Variants in DAAM1 observed in about 807,000 individuals in gnomAD.
DAAM1 encodes the protein dishevelled associated activator of morphogenesis 1, also known as disheveled-associated activator of morphogenesis 1.
DAAM1 carries 52 observed loss-of-function variants against 130.0 expected under a neutral mutation model. The observed-to-expected ratio is 0.40, with a 90% CI of 0.32 to 0.50. The LOEUF (loss-of-function observed/expected upper bound fraction) is 0.50. Ranked by LOEUF, DAAM1 falls within the 20% of genes least tolerant of loss-of-function variation. The probability of loss-of-function intolerance (pLI) is 0.61; values close to 1 mark genes in which losing one functional copy is unlikely to be tolerated. For missense variants in DAAM1, 1,134 were observed against 1,303.8 expected (o/e 0.87, Z 2.01); for synonymous variants, 452 against 444.5 (o/e 1.02, Z -0.21).
intron 3 of DAAM1, among the ~76,000 whole-genome samples, chr14:59,296,486 A>G (rs1422893646): frequency 6.6e-6 from 1 of 152,186 alleles, no homozygotes; most frequent in Admixed American, 6.5e-5. Context: ...AAAATAAGCC[A>G]AATTTCTTGG....
chr14:59,367,659 T>G, intron 24 of DAAM1, 60 bp downstream of exon 24: 1 of 1,558,002 alleles, frequency 6.4e-7, no homozygotes, highest in Admixed American at 1.8e-5. Context: ...TGCAGCCCAG[T>G]CAAAGGTATT....
chr14:59,280,861 T>A (rs1183921355), intron 2 of DAAM1, among the ~76,000 whole-genome samples: 1 of 152,142 alleles, frequency 6.6e-6, no homozygotes, highest in Non-Finnish European at 1.5e-5. Flanking sequence ...CAACTTGTGA[T>A]CAGAGGTAAT....
chr14:59,304,536 C>T (rs191709087), intron 3 of DAAM1, among the ~76,000 whole-genome samples: 7 of 152,312 alleles, frequency 4.6e-5, no homozygotes, highest in East Asian at 1.9e-4. Flanking sequence ...TATTCTTCAG[C>T]GTGGTACAGA....
intron 5 of DAAM1, 87 bp downstream of exon 5, chr14:59,320,671 G>C: frequency 1.1e-6 from 1 of 907,036 alleles, no homozygotes; most frequent in Non-Finnish European, 1.6e-6. Context: ...GAAGTCTTAA[G>C]TTAAAACCAT....
In DAAM1 at chr14:59,195,621, A is replaced by T. The variant is rs564141162; in HGVS notation, c.-38+6853A>T. On this transcript the variant is annotated intron_variant, in intron 1 of 24. Transcript: ENST00000360909. ...TTTTATGTCTAAAAAAAATACCTGC[A>T]GTGTGATTGGAAAATGTTGCCTATC... 6.6e-5 allele frequency among the ~76,000 whole-genome samples: 10 copies of T among 152,340 alleles called. No homozygotes were observed. In the East Asian group the frequency reaches 1.7e-3, roughly 26 times the overall value.
chr14:59,290,710 C>A (rs190701166), intron 2 of DAAM1, among the ~76,000 whole-genome samples: 1 of 152,318 alleles, frequency 6.6e-6, no homozygotes, highest in Admixed American at 6.5e-5. Flanking sequence ...CCCAGTGCTT[C>A]CTGTAAGCTG....
chr14:59,368,826 CAG>C lies in DAAM1; in HGVS notation c.3182_3183del (p.Arg1061ThrfsTer6), dbSNP rs2139698386. 3.1e-6 allele frequency: 5 copies of C among 1,613,252 alleles called. No homozygotes were observed. Among genetic ancestry groups the C allele is most frequent in the Non-Finnish European group, 4.2e-6 (5 of 1,179,720 alleles). ...TTACCAACCAGATGACTGACAGCAGCAGAGAGAGACCAATCACAAAACTTAAT... is the reference window on the plus strand; with the variant it reads ...TTACCAACCAGATGACTGACAGCAGCAGAGAGACCAATCACAAAACTTAAT... ...RITNQMTDSSRERPITKLNF is the reference protein window; with the variant it reads ...RITNQMTDSSXERPITKLNF On this transcript the variant is annotated frameshift_variant, in exon 25 of 25. Transcript: ENST00000360909. LOFTEE classifies it high-confidence loss of function.
intron 22 of DAAM1, 81 bp downstream of exon 22, chr14:59,360,943 G>A (rs1326612047): frequency 7.9e-7 from 1 of 1,271,718 alleles, no homozygotes; most frequent in Non-Finnish European, 1.1e-6. Flanking sequence ...GATGGGTTGT[G>A]TTGGCATGTG....
At position 59,263,343 on chromosome 14, in the gene DAAM1, C is replaced by T. The variant is rs978657935; in HGVS notation, c.-37-98C>T. 62 of 1,025,714 alleles carry T rather than the reference C, an allele frequency of 6.0e-5. No individual in the cohort carries two copies. In the African/African-American group the frequency reaches 9.0e-4, roughly 15 times the overall value. 63.5% of individuals were successfully genotyped at this position (1,025,714 alleles called of 1,614,324 possible). A position where few individuals can be genotyped will look rare whatever the true frequency, so the allele number is the denominator to read the frequency against. ...GTGCCCTGCAGGGCGCACACAGTGT[C>T]GTCAGCACACGGAGCTCTTTCTTGA... On this transcript the variant is annotated intron_variant, in intron 1 of 24. Coordinates refer to ENST00000360909, the MANE Select transcript of DAAM1 (RefSeq NM_001270520.2).
intron 23 of DAAM1, among the ~76,000 whole-genome samples, chr14:59,366,284 G>C (rs1188269755): frequency 6.6e-6 from 1 of 152,008 alleles, no homozygotes; most frequent in Non-Finnish European, 1.5e-5. Flanking sequence ...AAAGAATTTG[G>C]AATAAAATTG....
chr14:59,228,220 C>T (rs1186035333), intron 1 of DAAM1, among the ~76,000 whole-genome samples: 6 of 152,056 alleles, frequency 3.9e-5, no homozygotes, highest in Non-Finnish European at 5.9e-5. Context: ...CTGTCATTCT[C>T]TATTCATCTT....
intron 1 of DAAM1, among the ~76,000 whole-genome samples, chr14:59,225,074 C>T (rs1301039583): frequency 8.3e-6 from 1 of 120,718 alleles, no homozygotes; most frequent in Non-Finnish European, 1.6e-5. Flanking sequence ...TGTTACCAGG[C>T]TGGAGTGCAG....
intron 1 of DAAM1, among the ~76,000 whole-genome samples, chr14:59,205,320 T>C (rs1413989921): frequency 6.6e-6 from 1 of 152,234 alleles, no homozygotes; most frequent in Non-Finnish European, 1.5e-5. Context: ...CATATACATT[T>C]AGCAGTGAAG....
At chr14:59,315,655 C>G (rs1884764282) in intron 4 of DAAM1, among the ~76,000 whole-genome samples, 1 of 152,154 alleles carries the variant, frequency 6.6e-6, no homozygotes, top group African/African-American at 2.4e-5. Context: ...ATTGCTCTTA[C>G]CAGTCACTCG....
chr14:59,342,106 C>G (rs1156376941), intron 16 of DAAM1, among the ~76,000 whole-genome samples: 1 of 152,184 alleles, frequency 6.6e-6, no homozygotes, highest in African/African-American at 2.4e-5. Context: ...TTTGAGGTGA[C>G]TTAGAACTTG....
chr14:59,362,973 T>C (rs1886769030), intron 22 of DAAM1: 1 of 152,320 alleles, frequency 6.6e-6, no homozygotes, highest in South Asian at 2.1e-4. Context: ...CATAGGGATG[T>C]TGTGAACTTT....
chr14:59,369,246 C>CA lies in DAAM1; in HGVS notation c.*390dup, dbSNP rs774027805. On this transcript the variant is annotated 3_prime_UTR_variant, in exon 25 of 25. Coordinates refer to ENST00000360909, the MANE Select transcript of DAAM1 (RefSeq NM_001270520.2). ...AGGCAAAACAGAAGAAACAAACAAACAAACAAAAAAAGCTTGCAAAATATT... is the reference window on the plus strand; with the variant it reads ...AGGCAAAACAGAAGAAACAAACAAACAAAACAAAAAAAGCTTGCAAAATATT... 9.3e-3 allele frequency: 1,440 copies of CA among 154,536 alleles called. 16 individuals carry two copies. The highest frequency in any genetic ancestry group is 0.034 in the African/African-American group (1,379 of 40,512). 9.6% of individuals were successfully genotyped at this position (154,536 alleles called of 1,614,324 possible).
intron 16 of DAAM1, among the ~76,000 whole-genome samples, chr14:59,345,136 A>T (rs1566715582): frequency 6.6e-6 from 1 of 152,110 alleles, no homozygotes; most frequent in African/African-American, 2.4e-5. Flanking sequence ...GTCTAAGGCT[A>T]CCCAGTTGAG....
chr14:59,306,377 G>A (rs544240714), intron 3 of DAAM1, among the ~76,000 whole-genome samples: 23 of 152,306 alleles, frequency 1.5e-4, no homozygotes, highest in African/African-American at 5.1e-4. Flanking sequence ...GATGAGTAAA[G>A]GAATGAGAAG....
Sources: gnomAD v4.1 joint callset for allele counts (sites outside exome capture counted in the v4.1 genomes callset) on GRCh38, gnomAD v4.1.1 for gene constraint, MANE v1.5 for transcripts, NCBI Gene and HGNC (gene_info 2026-07-23, HGNC 2026-07-21) for gene names.